Variants in TULP4 observed in about 807,000 individuals in gnomAD.
TULP4 encodes the protein TUB like protein 4, also known as tubby-related protein 4.
A neutral mutation model predicts 129.0 loss-of-function variants in TULP4; 16 were observed. That is an observed-to-expected ratio of 0.12 (90% CI 0.08 to 0.19). The LOEUF is 0.19. Among genes scored for constraint, TULP4 ranks in the 10% least tolerant of loss-of-function variants. TULP4 has a pLI of 1.00. For missense variants in TULP4, 1,842 were observed against 2,059.1 expected (o/e 0.89, Z 2.04); for synonymous variants, 998 against 854.0 (o/e 1.17, Z -2.94).
Position 158,481,218 on chromosome 6 carries a change from T to A in TULP4, c.1415T>A (p.Leu472His). 6.2e-7 allele frequency: 1 copy of A among 1,614,168 alleles called. No individual in the cohort carries two copies. The highest frequency in any genetic ancestry group is 8.5e-7 in the Non-Finnish European group (1 of 1,180,022). ...LEYLGGLVPI[L>H]KGRRISKLRP... ...TACCTGGGCGGGCTTGTGCCCATCC[T>A]CAAAGGGCGGCGCATCAGCAAGCTG... The change falls in exon 8 of 14, where the codon CTC becomes CAC. Residue 472 changes from leucine to histidine, a missense_variant. Physicochemically the swap from Leu to His is moderately conservative, Grantham distance 99 (BLOSUM62 -3). Around this residue, in one of 5 missense-constraint regions of TULP4, gnomAD observed 456 missense variants for 534.3 expected, o/e 0.85. Transcript: ENST00000367097.
chr6:158,279,368 T>A (rs1004706469), upstream of TULP4, among the ~76,000 whole-genome samples: 1 of 152,250 alleles, frequency 6.6e-6, no homozygotes, highest in Non-Finnish European at 1.5e-5. Context: ...CTTAAATTGC[T>A]TTAGTACGTC....
intron 1 of TULP4, among the ~76,000 whole-genome samples, chr6:158,261,756 T>C (rs969329055): frequency 3.3e-5 from 5 of 152,192 alleles, no homozygotes; most frequent in Admixed American, 2.0e-4. Context: ...TGGCTCCTGC[T>C]GATCAGGGTT....
chr6:158,381,157 G>GTT (rs113020165), intron 1 of TULP4, among the ~76,000 whole-genome samples: 5,750 of 147,764 alleles, frequency 0.039, 126 homozygotes, highest in African/African-American at 0.044. Flanking sequence ...GTGCTTTATG[G>GTT]TTGTTTTTTT....
At chr6:158,312,262 G>C, upstream of TULP4, 1 of 396,682 alleles carries the variant, frequency 2.5e-6, no homozygotes, top group East Asian at 3.6e-5. Flanking sequence ...TTAAGAATCA[G>C]ATGGAGCAAC....
chr6:158,299,509 G>A (rs551956848), intron 1 of TULP4, among the ~76,000 whole-genome samples: 108 of 152,210 alleles, frequency 7.1e-4, no homozygotes, highest in Admixed American at 2.2e-3. Flanking sequence ...GGGAGAGGCC[G>A]GAGACCAAAT....
At chr6:158,309,807 C>T (rs947463051), upstream of TULP4, among the ~76,000 whole-genome samples, 9 of 151,202 alleles carry the variant, frequency 6.0e-5, no homozygotes, top group Non-Finnish European at 1.3e-4. Context: ...GAGAATCAGG[C>T]AGGGAGGTTG....
rs971144494 is a variant in TULP4 at position 158,248,992 on chromosome 6, G to A, written n.68+16689G>A. On this transcript the variant is annotated intron_variant and non_coding_transcript_variant, in intron 1 of 1. Transcript: ENST00000620026. ...TGTAAAAAATTAGCCCGGTGTGGTGGCAAGTGCCTGTGGTCCCAGCTAGGT... is the reference window on the plus strand; with the variant it reads ...TGTAAAAAATTAGCCCGGTGTGGTGACAAGTGCCTGTGGTCCCAGCTAGGT... 3.3e-5 allele frequency among the ~76,000 whole-genome samples: 5 copies of A among 151,352 alleles called. No individual in the cohort carries two copies. In the South Asian group the frequency reaches 1.0e-3, roughly 32 times the overall value.
At chr6:158,451,996 T>C in intron 4 of TULP4, 138 bp from the exon 5 acceptor site, 1 of 1,307,972 alleles carries the variant, frequency 7.6e-7, no homozygotes, top group Non-Finnish European at 1.1e-6. Flanking sequence ...GAATGTTTCA[T>C]TCAGGTAGCA....
chr6:158,477,393 CA>C (rs1335591518), intron 6 of TULP4, among the ~76,000 whole-genome samples: 1 of 152,090 alleles, frequency 6.6e-6, no homozygotes, highest in Non-Finnish European at 1.5e-5. Context: ...TTTCTGCAGC[CA>C]GTCAGGTTGT....
intron 1 of TULP4, among the ~76,000 whole-genome samples, chr6:158,289,737 T>G (rs559299416): frequency 6.8e-5 from 10 of 147,414 alleles, no homozygotes; most frequent in Admixed American, 6.6e-4. Context: ...TGTGCCACCA[T>G]GCCTGGCTGA....
At chr6:158,332,180 AAAAAAAAAAAAAAAAAAAAAATATATAT>A (rs59444011) in intron 1 of TULP4, among the ~76,000 whole-genome samples, 21,113 of 87,748 alleles carry the variant, frequency 0.24, 2,202 homozygotes, top group African/African-American at 0.35. Flanking sequence ...AAAAAAAAAA[AAAAAAAAAAAAAAAAAAAAAATATATAT>A]ATATATATAT....
intron 1 of TULP4, among the ~76,000 whole-genome samples, chr6:158,263,659 G>A (rs1179635558): frequency 6.6e-6 from 1 of 152,182 alleles, no homozygotes; most frequent in Non-Finnish European, 1.5e-5. Flanking sequence ...GGGAGAGTAA[G>A]GTGGGAAGAT....
At chr6:158,372,180 T>TTTA (rs1458196779) in intron 1 of TULP4, among the ~76,000 whole-genome samples, 1 of 146,476 alleles carries the variant, frequency 6.8e-6, no homozygotes, top group Non-Finnish European at 1.5e-5. Flanking sequence ...TTTTTTTTTT[T>TTTA]AAAGAAAAAG....
At chr6:158,236,813 TTTTTTTTTTTTTTTTTTTG>T (rs1777717508) in intron 1 of TULP4, among the ~76,000 whole-genome samples, 1 of 112,058 alleles carries the variant, frequency 8.9e-6, no homozygotes, top group African/African-American at 3.2e-5. Flanking sequence ...TTTTTTTTTT[TTTTTTTTTTTTTTTTTTTG>T]AGATAGGGTC....
chr6:158,410,597 T>G (rs1778076327), intron 1 of TULP4, among the ~76,000 whole-genome samples: 1 of 152,254 alleles, frequency 6.6e-6, no homozygotes, highest in African/African-American at 2.4e-5. Flanking sequence ...ATAACTAATG[T>G]GTTAGGGACC....
intron 1 of TULP4, among the ~76,000 whole-genome samples, chr6:158,401,050 T>TTTGTTGTTGTTGTTGTTG (rs199720242): frequency 2.4e-4 from 35 of 147,100 alleles, no homozygotes; most frequent in African/African-American, 8.8e-4. Context: ...GTTTGGGTTT[T>TTTGTTGTTGTTGTTGTTG]TTGTTGTTGT....
upstream of TULP4, among the ~76,000 whole-genome samples, chr6:158,279,656 ACT>A (rs1455814234): frequency 1.3e-5 from 2 of 151,456 alleles, no homozygotes; most frequent in African/African-American, 4.9e-5. Flanking sequence ...GAAAATGGAG[ACT>A]CTCTCTCTCC....
intron 8 of TULP4, 78 bp downstream of exon 8, chr6:158,481,367 G>A: frequency 1.5e-6 from 2 of 1,317,958 alleles, no homozygotes; most frequent in South Asian, 1.3e-5. Flanking sequence ...CCCATGCAAA[G>A]AGAATGTCTG....
At chr6:158,405,991 G>C (rs1375162167) in intron 1 of TULP4, among the ~76,000 whole-genome samples, 1 of 152,162 alleles carries the variant, frequency 6.6e-6, no homozygotes, top group African/African-American at 2.4e-5. Flanking sequence ...TGCTTAAAAA[G>C]CAAAGAATGA....
Sources: allele counts gnomAD v4.1 joint callset (sites outside exome capture counted in the v4.1 genomes callset), GRCh38; gene constraint gnomAD v4.1.1; regional missense constraint gnomAD v4.1.1; transcripts MANE v1.5; gene names NCBI Gene and HGNC (gene_info 2026-07-23, HGNC 2026-07-21).